Variants in MMP16 observed in about 807,000 individuals in gnomAD.
The protein encoded by MMP16 is matrix metallopeptidase 16, also known as matrix metalloproteinase-16.
A neutral mutation model predicts 67.8 loss-of-function variants in MMP16; 12 were observed. The observed-to-expected ratio is 0.18, with a 90% CI of 0.11 to 0.29. The LOEUF is 0.29. Among genes scored for constraint, MMP16 ranks in the 10% least tolerant of loss-of-function variants. The pLI is 1.00. For missense variants in MMP16, 475 were observed against 765.7 expected, an observed-to-expected ratio of 0.62 and a Z score of 4.48; for synonymous variants, 249 against 255.9, an observed-to-expected ratio of 0.97 and a Z score of 0.26.
At chr8:88,082,292 G>T (rs1434266468) in intron 6 of MMP16, among the ~76,000 whole-genome samples, 1 of 152,040 alleles carries the variant, frequency 6.6e-6, no homozygotes, top group East Asian at 1.9e-4. Flanking sequence ...CGGCTTGTAG[G>T]AATGGGCATC....
chr8:88,069,181 T>A, intron 7 of MMP16: 1 of 280,042 alleles, frequency 3.6e-6, no homozygotes, highest in Non-Finnish European at 6.9e-6. Context: ...TACTGAACCC[T>A]CTGACCCATG....
intron 1 of MMP16, among the ~76,000 whole-genome samples, chr8:88,297,799 A>G (rs1811035850): frequency 6.6e-6 from 1 of 152,242 alleles, no homozygotes; most frequent in Non-Finnish European, 1.5e-5. Flanking sequence ...GAGTATGGCA[A>G]TAATAACAAA....
chr8:88,166,688 CATATATATATATAT>C lies in MMP16; in HGVS notation c.709+967_709+980del, dbSNP rs1166566212. ...ACAAAAGAGAAGGAGCAAAAAATTA[CATATATATATATAT>C]ATATATATATATATATATATATATA... On this transcript the variant is annotated intron_variant, in intron 4 of 9. Coordinates refer to ENST00000286614, the MANE Select transcript of MMP16 (RefSeq NM_005941.5). Among the ~76,000 whole-genome samples, 489 of 58,384 alleles carry C rather than the reference CATATATATATATAT, an allele frequency of 8.4e-3. 12 individuals are homozygous for C. The highest frequency in any genetic ancestry group is 0.021 in the African/African-American group (389 of 18,304). The allele number at this position is 58,384 out of a possible 152,430, so 38.3% of individuals were successfully genotyped here. A position where few individuals can be genotyped will look rare whatever the true frequency, so the allele number is the denominator to read the frequency against.
At chr8:88,282,856 A>C (rs1563583267) in intron 1 of MMP16, among the ~76,000 whole-genome samples, 1 of 152,166 alleles carries the variant, frequency 6.6e-6, no homozygotes, top group Non-Finnish European at 1.5e-5. Flanking sequence ...TCTTATTTTA[A>C]AACAACATGT....
chr8:88,076,671 T>C (rs962741038), intron 6 of MMP16, among the ~76,000 whole-genome samples: 10 of 152,108 alleles, frequency 6.6e-5, no homozygotes, highest in African/African-American at 2.2e-4. Context: ...TTCTAATCAC[T>C]TAAAAGAAAA....
intron 6 of MMP16, among the ~76,000 whole-genome samples, chr8:88,097,625 CAA>C (rs34488162): frequency 1.2e-4 from 8 of 67,482 alleles, no homozygotes; most frequent in Admixed American, 5.9e-4. Context: ...AACCCTGTCT[CAA>C]AAAAAAAAAA....
chr8:88,148,395 A>C (rs1392040525), intron 4 of MMP16, among the ~76,000 whole-genome samples: 1 of 152,150 alleles, frequency 6.6e-6, no homozygotes, highest in African/African-American at 2.4e-5. Context: ...CTTTGCTCCT[A>C]AACTTCTATT....
chr8:88,167,281 C>T (rs1241248201), intron 4 of MMP16, among the ~76,000 whole-genome samples: 1 of 151,892 alleles, frequency 6.6e-6, no homozygotes, highest in Non-Finnish European at 1.5e-5. Context: ...ACTGCAGATG[C>T]TAATCCGGAT....
At chr8:88,054,515 C>T (rs1808308206) in intron 8 of MMP16, among the ~76,000 whole-genome samples, 1 of 152,116 alleles carries the variant, frequency 6.6e-6, no homozygotes, top group Non-Finnish European at 1.5e-5. Context: ...AGTCATTACA[C>T]TTTTTGGGGC....
intron 1 of MMP16, among the ~76,000 whole-genome samples, chr8:88,224,091 T>C (rs149102444): frequency 3.3e-5 from 5 of 151,982 alleles, no homozygotes. Flanking sequence ...TCTGGCGGAC[T>C]GTGAGGAAGG....
At chr8:88,076,709 G>A (rs1176717039) in intron 6 of MMP16, among the ~76,000 whole-genome samples, 3 of 152,044 alleles carry the variant, frequency 2.0e-5, no homozygotes, top group Non-Finnish European at 4.4e-5. Flanking sequence ...GATATAACAA[G>A]GGCTTCTAAC....
At position 88,046,798 on chromosome 8, in the gene MMP16, A is replaced by C. The variant is rs1050892041; in HGVS notation, c.1374-14T>G. 1 of 1,496,676 alleles carries C rather than the reference A, an allele frequency of 6.7e-7. No homozygotes were observed. The highest frequency in any genetic ancestry group is 1.2e-5 in the South Asian group (1 of 83,944). 92.7% of individuals were successfully genotyped at this position (1,496,676 alleles called of 1,614,324 possible). A position where few individuals can be genotyped will look rare whatever the true frequency, so the allele number is the denominator to read the frequency against. ...TATCTCCAATATCTACAAAGGATAAAAACAACAACAACAAACACAATAACA... is the reference window on the plus strand; with the variant it reads ...TATCTCCAATATCTACAAAGGATAACAACAACAACAACAAACACAATAACA... On this transcript the variant is annotated splice_polypyrimidine_tract_variant and intron_variant, in intron 8 of 9. Transcript: ENST00000286614.
intron 1 of MMP16, among the ~76,000 whole-genome samples, chr8:88,213,808 T>C (rs1233169170): frequency 2.0e-5 from 3 of 152,148 alleles, no homozygotes; most frequent in African/African-American, 7.2e-5. Context: ...AAATTAACCA[T>C]AAATATCAAA....
chr8:88,135,697 T>G lies in MMP16; in HGVS notation c.710-16836A>C, dbSNP rs1161954720. ...AGAGAAAATGAGATAACGGACAAAT[T>G]AACAAACCAAACACAAACAAAAAAA... is the stretch of plus-strand genomic sequence containing the variant. On this transcript the variant is annotated intron_variant, in intron 4 of 9. Transcript: ENST00000286614. 2.6e-5 allele frequency among the ~76,000 whole-genome samples: 4 copies of G among 151,954 alleles called. No homozygotes were observed. The East Asian group carries it at 7.8e-4, about 30-fold the overall frequency.
intron 1 of MMP16, among the ~76,000 whole-genome samples, chr8:88,224,225 C>T (rs112112286): frequency 3.3e-5 from 5 of 152,028 alleles, no homozygotes; most frequent in African/African-American, 1.2e-4. Flanking sequence ...TCCTGGGCAT[C>T]AACGTTAGGC....
intron 1 of MMP16, among the ~76,000 whole-genome samples, chr8:88,198,284 C>A (rs570386798): frequency 4.6e-5 from 7 of 152,222 alleles, no homozygotes; most frequent in African/African-American, 1.7e-4. Flanking sequence ...CTGTCCTTTA[C>A]CTCAATCTTC....
intron 2 of MMP16, among the ~76,000 whole-genome samples, chr8:88,186,900 G>A (rs560235830): frequency 7.9e-5 from 12 of 152,228 alleles, no homozygotes; most frequent in South Asian, 2.1e-4. Flanking sequence ...AAGCTTCTAA[G>A]AATTTGCTGT....
intron 1 of MMP16, among the ~76,000 whole-genome samples, chr8:88,307,650 A>C (rs1431344236): frequency 6.6e-6 from 1 of 152,000 alleles, no homozygotes; most frequent in East Asian, 1.9e-4. Flanking sequence ...CATTTCCCTT[A>C]GTCAGAATAA....
At chr8:88,239,074 T>C (rs1809991753) in intron 1 of MMP16, among the ~76,000 whole-genome samples, 1 of 152,132 alleles carries the variant, frequency 6.6e-6, no homozygotes, top group Non-Finnish European at 1.5e-5. Flanking sequence ...TCCACCTTCA[T>C]CCATTTCTAC....
Sources: gnomAD v4.1 joint callset for allele counts (sites outside exome capture counted in the v4.1 genomes callset) on GRCh38, gnomAD v4.1.1 for gene constraint, MANE v1.5 for transcripts, NCBI Gene and HGNC (gene_info 2026-07-23, HGNC 2026-07-21) for gene names.